Variants in AFF3 observed in about 807,000 individuals in gnomAD.
AFF3 encodes ALF transcription elongation factor 3.
AFF3 carries 32 observed loss-of-function variants against 129.7 expected under a neutral mutation model. The ratio of observed to expected loss-of-function variants is 0.25; its 90% CI spans 0.19 to 0.33. The LOEUF is 0.33. Ranked by LOEUF, AFF3 falls within the 10% of genes least tolerant of loss-of-function variation. The probability of loss-of-function intolerance (pLI) is 1.00; values close to 1 mark genes in which losing one functional copy is unlikely to be tolerated. For missense variants in AFF3, 1,373 were observed against 1,592.0 expected (o/e 0.86, Z 2.34); for synonymous variants, 644 against 635.4 (o/e 1.01, Z -0.20).
At chr2:100,035,593 C>G (rs1049264208) in intron 4 of AFF3, among the ~76,000 whole-genome samples, 2 of 152,194 alleles carry the variant, frequency 1.3e-5, no homozygotes, top group South Asian at 4.1e-4. Context: ...GTCCACAATA[C>G]GGGCTTTATT....
At position 99,547,616 on chromosome 2, in the gene AFF3, T is replaced by C. The variant is rs780012081; in HGVS notation, c.*3858A>G. The C allele has an allele frequency of 3.8e-5, 8 of 208,562 alleles. No individual in the cohort carries two copies. The highest frequency in any genetic ancestry group is 6.8e-5 in the Non-Finnish European group (7 of 102,518). The allele number at this position is 208,562 out of a possible 1,614,324, so 12.9% of individuals were successfully genotyped here. On this transcript the variant is annotated 3_prime_UTR_variant, in exon 25 of 25. Coordinates refer to ENST00000672756, the MANE Select transcript of AFF3 (RefSeq NM_001386135.1). ...TTTCAAAGATGTGATTCATAAATAA[T>C]GTTGGCTGCACTGATTAATTTTATA...
At chr2:99,811,480 G>T (rs969701852) in intron 8 of AFF3, among the ~76,000 whole-genome samples, 12 of 152,042 alleles carry the variant, frequency 7.9e-5, no homozygotes, top group Non-Finnish European at 5.9e-5. Flanking sequence ...TGGGTTTCTG[G>T]TCTGGTGCTC....
intron 11 of AFF3, among the ~76,000 whole-genome samples, chr2:99,679,709 G>T (rs975851225): frequency 6.6e-6 from 1 of 152,230 alleles, no homozygotes; most frequent in East Asian, 1.9e-4. Context: ...CAGCTTGGAG[G>T]CTAGCCAGCA....
intron 4 of AFF3, among the ~76,000 whole-genome samples, chr2:100,075,380 C>T (rs1688508057): frequency 1.3e-5 from 2 of 152,072 alleles, no homozygotes; most frequent in Admixed American, 1.3e-4. Context: ...AGTGAGGGGG[C>T]ATTTCTTTAT....
intron 8 of AFF3, among the ~76,000 whole-genome samples, chr2:99,789,068 A>G (rs964314800): frequency 3.3e-5 from 5 of 152,224 alleles, no homozygotes; most frequent in Admixed American, 6.5e-5. Context: ...CACATTTCTC[A>G]GAACATATCC....
intron 20 of AFF3, among the ~76,000 whole-genome samples, chr2:99,564,875 C>T (rs1267692733): frequency 6.6e-6 from 1 of 152,180 alleles, no homozygotes; most frequent in Non-Finnish European, 1.5e-5. Context: ...CTCAGTAGGG[C>T]TAATGGATGA....
intron 17 of AFF3, among the ~76,000 whole-genome samples, chr2:99,582,488 T>C (rs1677665391): frequency 6.6e-6 from 1 of 152,242 alleles, no homozygotes; most frequent in South Asian, 2.1e-4. Context: ...GAAAGATTGG[T>C]TGGTTCAAAC....
At chr2:100,000,508 G>A (rs564177013) in intron 7 of AFF3, among the ~76,000 whole-genome samples, 9 of 140,900 alleles carry the variant, frequency 6.4e-5, no homozygotes, top group East Asian at 1.9e-4. Flanking sequence ...TCTCTAGCAC[G>A]CGCGCACACA....
chr2:100,047,631 G>C (rs2105108326), intron 4 of AFF3, among the ~76,000 whole-genome samples: 1 of 152,182 alleles, frequency 6.6e-6, no homozygotes, highest in South Asian at 2.1e-4. Flanking sequence ...TTAAAATCTT[G>C]AGTTAAAAAA....
chr2:100,007,103 T>A, intron 6 of AFF3, 45 bp downstream of exon 6: 1 of 1,600,188 alleles, frequency 6.2e-7, no homozygotes, highest in Non-Finnish European at 8.5e-7. Flanking sequence ...GTTCTCTGGG[T>A]TTTAGCAGAT....
chr2:99,687,830 C>CT (rs1675217999), intron 11 of AFF3, among the ~76,000 whole-genome samples: 1 of 152,130 alleles, frequency 6.6e-6, no homozygotes, highest in Admixed American at 6.5e-5. Flanking sequence ...ACAATGAATA[C>CT]ACCTATATTG....
At chr2:100,055,186 C>T (rs1054421347) in intron 4 of AFF3, among the ~76,000 whole-genome samples, 1 of 152,026 alleles carries the variant, frequency 6.6e-6, no homozygotes, top group South Asian at 2.1e-4. Flanking sequence ...CTGAAAGAGA[C>T]TTTTAGTACA....
intron 12 of AFF3, among the ~76,000 whole-genome samples, chr2:99,658,485 C>T (rs759320774): frequency 2.0e-5 from 3 of 152,112 alleles, no homozygotes; most frequent in Non-Finnish European, 4.4e-5. Context: ...GCTGGGATTA[C>T]AGGTGCCTGT....
chr2:99,770,289 C>T (rs1306403670), intron 8 of AFF3, among the ~76,000 whole-genome samples: 1 of 152,214 alleles, frequency 6.6e-6, no homozygotes, highest in Non-Finnish European at 1.5e-5. Flanking sequence ...GGGATTACTG[C>T]CAGGCCACTG....
chr2:99,677,263 C>CAAAA lies in AFF3; in HGVS notation c.1092-4678_1092-4675dup, dbSNP rs386390727. ...CCAGCCTGGGCATAAGACCCTGTCT[C>CAAAA]AAAAAAAAAAAAAAAAAAAAATTGA... is the stretch of plus-strand genomic sequence containing the variant. On this transcript the variant is annotated intron_variant, in intron 11 of 24. Coordinates refer to ENST00000672756, the MANE Select transcript of AFF3 (RefSeq NM_001386135.1). 2.1e-3 allele frequency among the ~76,000 whole-genome samples: 221 copies of CAAAA among 105,000 alleles called. 2 individuals are homozygous for CAAAA. The highest frequency in any genetic ancestry group is 0.011 in the Middle Eastern group (2 of 188). The allele number at this position is 105,000 out of a possible 152,430, so 68.9% of individuals were successfully genotyped here. A position where few individuals can be genotyped will look rare whatever the true frequency, so the allele number is the denominator to read the frequency against.
intron 12 of AFF3, among the ~76,000 whole-genome samples, chr2:99,651,452 T>A (rs1421638587): frequency 2.6e-5 from 4 of 151,950 alleles, no homozygotes; most frequent in Non-Finnish European, 4.4e-5. Context: ...TACTGTTTTT[T>A]TTTTTCTGAG....
At chr2:99,828,973 T>C (rs1688318107) in intron 8 of AFF3, among the ~76,000 whole-genome samples, 1 of 152,212 alleles carries the variant, frequency 6.6e-6, no homozygotes, top group Non-Finnish European at 1.5e-5. Flanking sequence ...CCTCACTTAA[T>C]GTCATCAATA....
At chr2:99,922,210 T>A (rs1576353991) in intron 7 of AFF3, among the ~76,000 whole-genome samples, 1 of 152,188 alleles carries the variant, frequency 6.6e-6, no homozygotes, top group Non-Finnish European at 1.5e-5. Context: ...AACCCAGCAC[T>A]TTCACTCCTA....
intron 7 of AFF3, among the ~76,000 whole-genome samples, chr2:99,898,475 A>T (rs1477738950): frequency 6.6e-6 from 1 of 152,186 alleles, no homozygotes; most frequent in Admixed American, 6.5e-5. Flanking sequence ...CCCATCGCCT[A>T]GGAGAAGCTG....
Sources: allele counts gnomAD v4.1 joint callset (sites outside exome capture counted in the v4.1 genomes callset), GRCh38; gene constraint gnomAD v4.1.1; transcripts MANE v1.5; gene names NCBI Gene and HGNC (gene_info 2026-07-23, HGNC 2026-07-21).